The following DSCAM variants were observed in gnomAD, a reference collection of about 807,000 sequenced individuals.
DSCAM encodes cell adhesion molecule DSCAM.
A neutral mutation model predicts 217.7 loss-of-function variants in DSCAM; 47 were observed. The observed-to-expected ratio is 0.22, with a 90% CI of 0.17 to 0.28. The LOEUF is 0.28. Among genes scored for constraint, DSCAM ranks in the 10% least tolerant of loss-of-function variants. The pLI, the probability that DSCAM is intolerant of heterozygous loss-of-function variation, is 1.00. For missense variants in DSCAM, 2,080 were observed against 2,618.3 expected, an observed-to-expected ratio of 0.79 and a Z score of 4.49; for synonymous variants, 1,056 against 1,015.3, an observed-to-expected ratio of 1.04 and a Z score of -0.76.
intron 11 of DSCAM, among the ~76,000 whole-genome samples, chr21:40,196,227 G>A (rs560814265): frequency 6.9e-4 from 105 of 152,244 alleles, no homozygotes; most frequent in African/African-American, 2.4e-3. Context: ...CAAAAGGAAA[G>A]GTGAGGAAGG....
chr21:40,332,446 C>T (rs1329839317), intron 8 of DSCAM, among the ~76,000 whole-genome samples: 1 of 152,138 alleles, frequency 6.6e-6, no homozygotes, highest in Non-Finnish European at 1.5e-5. Flanking sequence ...ATTAAGGTGA[C>T]ACAGATGAAA....
At chr21:40,721,313 A>G (rs1465028857) in intron 1 of DSCAM, among the ~76,000 whole-genome samples, 1 of 152,230 alleles carries the variant, frequency 6.6e-6, no homozygotes, top group Non-Finnish European at 1.5e-5. Context: ...GCATATTATT[A>G]GGAGTAAACT....
At chr21:40,352,646 T>A (rs1416609622) in intron 5 of DSCAM, among the ~76,000 whole-genome samples, 1 of 152,204 alleles carries the variant, frequency 6.6e-6, no homozygotes, top group East Asian at 1.9e-4. Context: ...ATTTGTTCAA[T>A]TTAGTTCATC....
rs770276824 is a variant in DSCAM at position 40,055,780 on chromosome 21, G to A, written c.4980C>T (p.Ile1660=). The part of the protein sequence containing the change: ...SKQQQTLRMH[I]DIPRAQLLIE... Reference sequence around the variant, plus strand: ...TCAAAAGCTGAGCCCTGGGTATGTCGATGTGCATTCGCAGGGTCTGCTGTT... The same window carrying A: ...TCAAAAGCTGAGCCCTGGGTATGTCAATGTGCATTCGCAGGGTCTGCTGTT... The change falls in exon 29 of 33, where the codon ATC becomes ATT. Residue 1660 remains isoleucine (I), a synonymous_variant. Coordinates refer to ENST00000400454, the MANE Select transcript of DSCAM (RefSeq NM_001389.5). 1.9e-6 allele frequency: 3 copies of A among 1,613,806 alleles called. No homozygotes were observed. Among genetic ancestry groups the A allele is most frequent in the South Asian group, 1.1e-5 (1 of 91,076 alleles).
intron 21 of DSCAM, among the ~76,000 whole-genome samples, chr21:40,089,189 CG>C (rs2089571992): frequency 6.6e-6 from 1 of 152,162 alleles, no homozygotes; most frequent in Admixed American, 6.5e-5. Context: ...CCATTTTAGA[CG>C]GCTGAAATTT....
At chr21:40,110,948 C>T (rs1312217986) in intron 20 of DSCAM, among the ~76,000 whole-genome samples, 1 of 152,168 alleles carries the variant, frequency 6.6e-6, no homozygotes, top group Admixed American at 6.5e-5. Flanking sequence ...ATTGGTGTGC[C>T]TGAAAGTGAC....
chr21:40,564,193 C>T (rs1034547693), intron 3 of DSCAM, among the ~76,000 whole-genome samples: 6 of 152,124 alleles, frequency 3.9e-5, no homozygotes, highest in Non-Finnish European at 8.8e-5. Context: ...TCCTTAAAAT[C>T]TTGTGTCAGA....
intron 3 of DSCAM, among the ~76,000 whole-genome samples, chr21:40,439,008 T>C (rs1213277400): frequency 1.3e-5 from 2 of 152,156 alleles, no homozygotes; most frequent in African/African-American, 2.4e-5. Flanking sequence ...TATCATAAAG[T>C]AGAAGTACCC....
At chr21:40,371,789 G>A (rs1325380852) in intron 3 of DSCAM, among the ~76,000 whole-genome samples, 3 of 152,072 alleles carry the variant, frequency 2.0e-5, no homozygotes, top group South Asian at 2.1e-4. Flanking sequence ...GTTTCTGTGC[G>A]TAAACCCATT....
intron 3 of DSCAM, among the ~76,000 whole-genome samples, chr21:40,485,237 C>CTTTTTTTT (rs59901955): frequency 5.5e-5 from 6 of 108,190 alleles, no homozygotes; most frequent in Admixed American, 2.2e-4. Flanking sequence ...GACTTTCTTT[C>CTTTTTTTT]TTTTTTTTTT....
Position 40,740,399 on chromosome 21 carries a change from T to C in DSCAM, c.44-31628A>G, listed in dbSNP as rs533275927. ...AGCCCAGGTAAAGAGGGCAGAGAAT[T>C]GTCCACAGCATTTGCTGACCCCATG... On this transcript the variant is annotated intron_variant, in intron 1 of 32. Coordinates refer to ENST00000400454, the MANE Select transcript of DSCAM (RefSeq NM_001389.5). Among the ~76,000 whole-genome samples the C allele has an allele frequency of 6.6e-5, 10 of 152,306 alleles. No individual in the cohort carries two copies. The East Asian group carries it at 1.9e-3, about 29-fold the overall frequency.
At chr21:40,651,337 A>G (rs1233441807) in intron 3 of DSCAM, among the ~76,000 whole-genome samples, 1 of 152,204 alleles carries the variant, frequency 6.6e-6, no homozygotes, top group Non-Finnish European at 1.5e-5. Flanking sequence ...TAGCAGCAAA[A>G]GTGTATTCAA....
At chr21:40,112,498 T>C (rs912427014) in intron 20 of DSCAM, among the ~76,000 whole-genome samples, 2 of 151,822 alleles carry the variant, frequency 1.3e-5, no homozygotes, top group Middle Eastern at 3.2e-3. Context: ...AACATCACAA[T>C]TAAAAGAACT....
intron 20 of DSCAM, among the ~76,000 whole-genome samples, chr21:40,108,327 C>T (rs572687130): frequency 2.2e-4 from 34 of 152,076 alleles, no homozygotes; most frequent in African/African-American, 7.5e-4. Flanking sequence ...CAGGATAGTG[C>T]GAAAATCACT....
chr21:40,492,294 A>G (rs1724059796), intron 3 of DSCAM, among the ~76,000 whole-genome samples: 1 of 152,216 alleles, frequency 6.6e-6, no homozygotes, highest in Admixed American at 6.5e-5. Context: ...ATTGGTAGCC[A>G]GTTATATAAA....
At chr21:40,415,099 C>T (rs564360162) in intron 3 of DSCAM, among the ~76,000 whole-genome samples, 13 of 152,076 alleles carry the variant, frequency 8.5e-5, no homozygotes, top group African/African-American at 1.7e-4. Flanking sequence ...TTGATTTGGA[C>T]GTTTTTCACA....
chr21:40,424,432 CTGGCGTGATGTCTATAATACA>C (rs1416837885), intron 3 of DSCAM, among the ~76,000 whole-genome samples: 1 of 152,306 alleles, frequency 6.6e-6, no homozygotes, highest in Middle Eastern at 3.4e-3. Flanking sequence ...AGCCGTGTGA[CTGGCGTGATGTCTATAATACA>C]AACCAACAAG....
intron 3 of DSCAM, among the ~76,000 whole-genome samples, chr21:40,431,897 C>A (rs2075536322): frequency 6.6e-6 from 1 of 152,182 alleles, no homozygotes; most frequent in East Asian, 1.9e-4. Context: ...GAAACTGATT[C>A]TCTTATAAAT....
chr21:40,108,759 G>A (rs751169134), intron 20 of DSCAM, among the ~76,000 whole-genome samples: 9 of 152,114 alleles, frequency 5.9e-5, no homozygotes, highest in Non-Finnish European at 7.4e-5. Flanking sequence ...ATACTACAGG[G>A]CTACAGTAAC....
Sources: gnomAD v4.1 joint callset for allele counts (sites outside exome capture counted in the v4.1 genomes callset) on GRCh38, gnomAD v4.1.1 for gene constraint, MANE v1.5 for transcripts, NCBI Gene and HGNC (gene_info 2026-07-23, HGNC 2026-07-21) for gene names.